The following PELI3 variants were observed in gnomAD, a reference collection of about 807,000 sequenced individuals.
The protein encoded by PELI3 is pellino E3 ubiquitin protein ligase family member 3, also known as E3 ubiquitin-protein ligase pellino homolog 3.
PELI3 carries 19 observed loss-of-function variants against 35.5 expected under a neutral mutation model. That is an observed-to-expected ratio of 0.54 (90% CI 0.37 to 0.79). The LOEUF (loss-of-function observed/expected upper bound fraction) is 0.79, where lower values mean the gene tolerates loss of function less well. Among genes scored for constraint, PELI3 ranks in the 30% least tolerant of loss-of-function variants. The pLI is 0.00. For synonymous variants in PELI3, 262 were observed against 279.2 expected (o/e 0.94, Z 0.62); for missense variants, 490 against 661.2 (o/e 0.74, Z 2.84).
chr11:66,471,320 C>T lies in PELI3; in HGVS notation c.303C>T (p.Asn101=), dbSNP rs752411611. The T allele has an allele frequency of 6.2e-6, 10 of 1,614,030 alleles. No homozygotes were observed. In the East Asian group the frequency reaches 6.7e-5, roughly 11 times the overall value. Residue 101 remains asparagine, a synonymous_variant, in exon 4 of 8, where the codon AAC becomes AAT. Transcript: ENST00000320740. The part of the protein sequence containing the change: ...RLALSRRSHA[N]GVKPDVMHHI... ...CACTGAGCCGCCGGTCGCACGCCAA[C>T]GGGGTGAAGCCAGACGTCATGCACC...
At chr11:66,472,698 G>T (rs1854765995) in intron 5 of PELI3, among the ~76,000 whole-genome samples, 1 of 152,208 alleles carries the variant, frequency 6.6e-6, no homozygotes, top group African/African-American at 2.4e-5. Flanking sequence ...CACAGCTCAG[G>T]AGTTCAGGTG....
intron 3 of PELI3, 42 bp downstream of exon 3, chr11:66,468,946 T>C (rs1395430246): frequency 2.8e-6 from 2 of 714,246 alleles, no homozygotes; most frequent in Non-Finnish European, 5.2e-6. Flanking sequence ...TCTTTCTTAC[T>C]CTAGGTCTAG....
intron 3 of PELI3, among the ~76,000 whole-genome samples, chr11:66,470,628 G>A (rs1306706922): frequency 3.3e-5 from 5 of 152,228 alleles, no homozygotes; most frequent in African/African-American, 1.2e-4. Flanking sequence ...CCAGACAAGA[G>A]CTGGAAAGGC....
At position 66,467,817 on chromosome 11, in the gene PELI3, T is replaced by TG. The variant is rs1384643433; in HGVS notation, c.-1-308dup. Among the ~76,000 whole-genome samples, 16 of 152,204 alleles carry TG rather than the reference T, an allele frequency of 1.1e-4. No homozygotes were observed. The highest frequency in any genetic ancestry group is 2.1e-4 in the Non-Finnish European group (14 of 68,024). On this transcript the variant is annotated intron_variant, in intron 1 of 7. Coordinates refer to ENST00000320740, the MANE Select transcript of PELI3 (RefSeq NM_145065.3). The surrounding 1 kb of genome is among the most constrained non-coding windows in gnomAD (Gnocchi z 4.2). ...TGAGGGGTAACGGCCCCCAACTCAT[T>TG]GGGTGCCCCGCTTTGAAGCACATCC... is the stretch of plus-strand genomic sequence containing the variant.
In PELI3 at chr11:66,473,626, A is replaced by G. The variant is rs1854797577; in HGVS notation, c.652-111A>G. 7.0e-7 allele frequency: 1 copy of G among 1,435,102 alleles called. No individual in the cohort carries two copies. The highest frequency in any genetic ancestry group is 9.4e-7 in the Non-Finnish European group (1 of 1,058,442). The allele number at this position is 1,435,102 out of a possible 1,614,324, so 88.9% of individuals were successfully genotyped here. A position where few individuals can be genotyped will look rare whatever the true frequency, so the allele number is the denominator to read the frequency against. On this transcript the variant is annotated intron_variant, in intron 6 of 7. Coordinates refer to ENST00000320740, the MANE Select transcript of PELI3 (RefSeq NM_145065.3). The surrounding 1 kb of genome is among the most constrained non-coding windows in gnomAD (Gnocchi z 5.8). Reference sequence around the variant, plus strand: ...GCTCAAGTCATGCAGCTTCAATGCCAGTCCTCTCTGGGCCGCCTCTGAACT... The same window carrying G: ...GCTCAAGTCATGCAGCTTCAATGCCGGTCCTCTCTGGGCCGCCTCTGAACT...
intron 7 of PELI3, chr11:66,474,345 TCTC>T (rs771098224): frequency 6.9e-4 from 345 of 496,670 alleles, no homozygotes; most frequent in Non-Finnish European, 9.7e-4. Flanking sequence ...TTAGCACTGT[TCTC>T]CTCTCGCAGG....
chr11:66,474,980 C>T (rs1435439688), intron 7 of PELI3: 1 of 152,420 alleles, frequency 6.6e-6, no homozygotes, highest in Non-Finnish European at 1.5e-5. Context: ...ATGCGCTCGT[C>T]TCGGCCTCCC....
rs1389914430 is a variant in PELI3, at chr11:66,476,121, G to A, written c.1364G>A (p.Gly455Asp). ...ACPFCGAWLTGEHGCVRLIFQ... is the reference protein window; with the variant it reads ...ACPFCGAWLTDEHGCVRLIFQ... ...CCCTTTTGCGGGGCCTGGCTTACCG[G>A]CGAGCATGGCTGCGTCCGCCTCATT... Residue 455 changes from glycine (G) to aspartate (D), a missense_variant, in exon 8 of 8, where the codon GGC (glycine) becomes GAC (aspartate). Gly to Asp is a moderately conservative substitution (Grantham distance 94). Transcript: ENST00000320740. 6.3e-7 allele frequency: 1 copy of A among 1,587,518 alleles called. No individual in the cohort carries two copies. The highest frequency in any genetic ancestry group is 1.7e-5 in the Admixed American group (1 of 57,640).
chr11:66,471,859 C>T (rs1854730616), intron 4 of PELI3, among the ~76,000 whole-genome samples: 1 of 151,928 alleles, frequency 6.6e-6, no homozygotes, highest in Admixed American at 6.6e-5. Context: ...GGAACAATAA[C>T]CCCATTCTTT....
In PELI3 at chr11:66,473,581, A is replaced by G. The variant is rs1854796324; in HGVS notation, c.651+146A>G. ...TAGCAACCCCACCTAACTGATGAGC[A>G]AAGTGAGGCCCAGAGAGACGCTCAA... On this transcript the variant is annotated intron_variant, in intron 6 of 7. Transcript: ENST00000320740. This position sits in a 1 kb window ranked among gnomAD's most constrained non-coding sequence, Gnocchi z 5.8. The G allele has an allele frequency of 8.4e-6, 11 of 1,314,112 alleles. No homozygotes were observed. Among genetic ancestry groups the G allele is most frequent in the Non-Finnish European group, 1.1e-5 (11 of 970,286 alleles). 81.4% of individuals were successfully genotyped at this position (1,314,112 alleles called of 1,614,324 possible).
Position 66,473,409 on chromosome 11 carries a change from G to A in PELI3, c.625G>A (p.Asp209Asn), listed in dbSNP as rs368289945. The change falls in exon 6 of 8, where the codon GAT becomes AAT. Residue 209 changes from aspartate to asparagine, a missense_variant. Around this residue, in one of 3 missense-constraint regions of PELI3, gnomAD observed 349 missense variants for 484.8 expected, o/e 0.72. Transcript: ENST00000320740. This position sits in a 1 kb window ranked among gnomAD's most constrained non-coding sequence, Gnocchi z 5.8. Reference sequence around the variant, plus strand: ...TGCCCGCATCTATGCCGCTGGCTTCGATGCCTCTAGCAACATCTTCCTTGG... The same window carrying A: ...TGCCCGCATCTATGCCGCTGGCTTCAATGCCTCTAGCAACATCTTCCTTGG... ...YTARIYAAGFDASSNIFLGER... is the reference protein window; with the variant it reads ...YTARIYAAGFNASSNIFLGER... 2 of 1,612,896 alleles carry A rather than the reference G, an allele frequency of 1.2e-6. No individual in the cohort carries two copies. Among genetic ancestry groups the A allele is most frequent in the Non-Finnish European group, 1.7e-6 (2 of 1,179,688 alleles).
rs1317232938 is a variant in PELI3, at chr11:66,467,924, C to G, written c.-1-204C>G. On this transcript the variant is annotated intron_variant, in intron 1 of 7. Coordinates refer to ENST00000320740, the MANE Select transcript of PELI3 (RefSeq NM_145065.3). This position sits in a 1 kb window ranked among gnomAD's most constrained non-coding sequence, Gnocchi z 4.2. ...TTTGGCACCACTGAATATCCTGACT[C>G]TCTTCACTGTGCCACCCCTCCCTGG... Among the ~76,000 whole-genome samples the G allele has an allele frequency of 6.6e-6, 1 of 152,238 alleles. No individual in the cohort carries two copies. The highest frequency in any genetic ancestry group is 1.5e-5 in the Non-Finnish European group (1 of 68,048).
At chr11:66,474,339 C>T in intron 7 of PELI3, 1 of 519,896 alleles carries the variant, frequency 1.9e-6, no homozygotes, top group Non-Finnish European at 3.4e-6. Context: ...ACAGGTTTAG[C>T]ACTGTTCTCC....
At position 66,467,413 on chromosome 11, in the gene PELI3, G is replaced by A. The variant is rs1002233999; in HGVS notation, c.-2+386G>A. 1 of 152,150 alleles carries A rather than the reference G, an allele frequency of 6.6e-6. No homozygotes were observed. The highest frequency in any genetic ancestry group is 1.5e-5 in the Non-Finnish European group (1 of 68,028). 9.4% of individuals were successfully genotyped at this position (152,150 alleles called of 1,614,324 possible). On this transcript the variant is annotated intron_variant, in intron 1 of 7. Coordinates refer to ENST00000320740, the MANE Select transcript of PELI3 (RefSeq NM_145065.3). This position sits in a 1 kb window ranked among gnomAD's most constrained non-coding sequence, Gnocchi z 4.2. Reference sequence around the variant, plus strand: ...GGCTGTGCTGCAGCCCGAGCTCGAGGGGGGAGCGCCGCCTCCGCAGGCCTC... The same window carrying A: ...GGCTGTGCTGCAGCCCGAGCTCGAGAGGGGAGCGCCGCCTCCGCAGGCCTC...
intron 3 of PELI3, 94 bp downstream of exon 3, chr11:66,468,998 G>A: frequency 1.7e-6 from 1 of 600,302 alleles, no homozygotes; most frequent in East Asian, 3.0e-5. Flanking sequence ...CACTACAGAT[G>A]AGAAAGCCAA....
At chr11:66,472,264 C>T (rs1854749008) in intron 4 of PELI3, 105 bp from the exon 5 acceptor site, 1 of 791,130 alleles carries the variant, frequency 1.3e-6, no homozygotes, top group Admixed American at 1.9e-5. Context: ...GGAGCTGCCC[C>T]CTTCCCAGGG....
intron 7 of PELI3, chr11:66,474,359 A>G: frequency 2.2e-6 from 1 of 462,346 alleles, no homozygotes; most frequent in South Asian, 2.6e-5. Context: ...CTCTCGCAGG[A>G]GGAAAGGGTC....
intron 3 of PELI3, among the ~76,000 whole-genome samples, chr11:66,470,592 C>T (rs765047952): frequency 6.6e-6 from 1 of 152,242 alleles, no homozygotes; most frequent in African/African-American, 2.4e-5. Context: ...GCCTCACCTC[C>T]TCTGTGCCTC....
intron 7 of PELI3, 98 bp downstream of exon 7, chr11:66,474,023 G>A: frequency 6.9e-7 from 1 of 1,451,368 alleles, no homozygotes; most frequent in South Asian, 1.2e-5. Context: ...CAGTCCTTCT[G>A]CCCCAGGGAG....
Sources: gnomAD v4.1 joint callset for allele counts (sites outside exome capture counted in the v4.1 genomes callset) on GRCh38, gnomAD v4.1.1 for gene constraint, gnomAD v4.1.1 regional missense constraint, Gnocchi (gnomAD v3.1) non-coding constraint, MANE v1.5 for transcripts, NCBI Gene and HGNC (gene_info 2026-07-23, HGNC 2026-07-21) for gene names.